Variants in ZNF521 observed in about 807,000 individuals in gnomAD.
The protein encoded by ZNF521 is LYST-interacting protein 3.
A neutral mutation model predicts 105.5 loss-of-function variants in ZNF521; 14 were observed. The ratio of observed to expected loss-of-function variants is 0.13; its 90% confidence interval spans 0.09 to 0.21. The LOEUF (loss-of-function observed/expected upper bound fraction) is 0.21. Ranked by LOEUF, ZNF521 falls within the 10% of genes least tolerant of loss-of-function variation. The pLI is 1.00. For missense variants in ZNF521, 1,233 were observed against 1,629.7 expected, an observed-to-expected ratio of 0.76 and a Z score of 4.19; for synonymous variants, 635 against 606.0, an observed-to-expected ratio of 1.05 and a Z score of -0.70.
intron 5 of ZNF521, among the ~76,000 whole-genome samples, chr18:25,157,069 G>C (rs2035159009): frequency 6.6e-6 from 1 of 152,018 alleles, no homozygotes; most frequent in Admixed American, 6.6e-5. Flanking sequence ...CATGGTGATG[G>C]GCACCTGCAG....
intron 4 of ZNF521, among the ~76,000 whole-genome samples, chr18:25,197,959 T>C (rs1319150351): frequency 1.3e-5 from 2 of 151,866 alleles, no homozygotes; most frequent in African/African-American, 4.8e-5. Flanking sequence ...GACAATTACT[T>C]ACATTTATAT....
chr18:25,266,774 C>T (rs1909287433), intron 3 of ZNF521, among the ~76,000 whole-genome samples: 1 of 152,204 alleles, frequency 6.6e-6, no homozygotes, highest in Non-Finnish European at 1.5e-5. Context: ...AGATTCCCTC[C>T]TGGGGGTGCC....
chr18:25,215,821 T>TC (rs905270525), intron 4 of ZNF521, among the ~76,000 whole-genome samples: 3 of 152,102 alleles, frequency 2.0e-5, no homozygotes, highest in African/African-American at 7.2e-5. Flanking sequence ...AGGCACCTGC[T>TC]CCCACATTCC....
chr18:25,097,035 C>G (rs368640443), intron 5 of ZNF521, among the ~76,000 whole-genome samples: 20 of 152,126 alleles, frequency 1.3e-4, no homozygotes, highest in Non-Finnish European at 2.5e-4. Context: ...AACCTCCCAC[C>G]CTTTACTTTG....
At chr18:25,300,341 C>T (rs895584235) in intron 3 of ZNF521, among the ~76,000 whole-genome samples, 1 of 152,182 alleles carries the variant, frequency 6.6e-6, no homozygotes, top group Non-Finnish European at 1.5e-5. Context: ...TACTAACTTT[C>T]ATAACCTAGC....
At chr18:25,349,762 G>A (rs944955884) in intron 2 of ZNF521, among the ~76,000 whole-genome samples, 1 of 150,688 alleles carries the variant, frequency 6.6e-6, no homozygotes, top group Non-Finnish European at 1.5e-5. Flanking sequence ...GGGCCGGGCC[G>A]CGCGGACCTC....
chr18:25,102,150 C>T (rs1466506457), intron 5 of ZNF521, among the ~76,000 whole-genome samples: 1 of 152,054 alleles, frequency 6.6e-6, no homozygotes, highest in East Asian at 1.9e-4. Context: ...CCTCCAAAAA[C>T]AAATAACACT....
At chr18:25,325,997 G>A (rs1405933362) in intron 2 of ZNF521, among the ~76,000 whole-genome samples, 1 of 152,068 alleles carries the variant, frequency 6.6e-6, no homozygotes, top group Non-Finnish European at 1.5e-5. Context: ...AATTGCACTG[G>A]CTTAAAAGTG....
chr18:25,139,778 T>C (rs2034812126), intron 5 of ZNF521, among the ~76,000 whole-genome samples: 1 of 152,196 alleles, frequency 6.6e-6, no homozygotes, highest in Non-Finnish European at 1.5e-5. Flanking sequence ...TGAATGTGTA[T>C]GTCTCCCTCC....
intron 3 of ZNF521, among the ~76,000 whole-genome samples, chr18:25,320,368 A>G (rs1600303048): frequency 2.0e-5 from 3 of 152,140 alleles, no homozygotes; most frequent in Admixed American, 2.0e-4. Context: ...ACGGGGTTTC[A>G]CCATGTTGAT....
chr18:25,079,971 A>T (rs1358211640), intron 7 of ZNF521, among the ~76,000 whole-genome samples: 1 of 152,192 alleles, frequency 6.6e-6, no homozygotes, highest in African/African-American at 2.4e-5. Context: ...GACAATTATA[A>T]AATTAAGTTT....
At chr18:25,247,636 G>A (rs1375336150) in intron 3 of ZNF521, among the ~76,000 whole-genome samples, 1 of 152,208 alleles carries the variant, frequency 6.6e-6, no homozygotes, top group Non-Finnish European at 1.5e-5. Flanking sequence ...TAGAATTTGT[G>A]AGAGGAAGTA....
chr18:25,198,904 T>C (rs183358924), intron 4 of ZNF521, among the ~76,000 whole-genome samples: 14 of 151,946 alleles, frequency 9.2e-5, no homozygotes, highest in African/African-American at 3.4e-4. Flanking sequence ...TTCCATCCTT[T>C]GATCATTGCA....
intron 5 of ZNF521, among the ~76,000 whole-genome samples, chr18:25,103,862 G>C (rs2034019194): frequency 6.6e-6 from 1 of 152,008 alleles, no homozygotes; most frequent in Admixed American, 6.6e-5. Flanking sequence ...AAAGACAAAA[G>C]ACTCGTGGTA....
chr18:25,317,933 T>A (rs1202036008), intron 3 of ZNF521, among the ~76,000 whole-genome samples: 1 of 152,130 alleles, frequency 6.6e-6, no homozygotes, highest in East Asian at 1.9e-4. Flanking sequence ...ACATATCATA[T>A]CTCATGCCCT....
At chr18:25,245,374 C>T (rs1907635687) in intron 3 of ZNF521, among the ~76,000 whole-genome samples, 1 of 152,126 alleles carries the variant, frequency 6.6e-6, no homozygotes, top group African/African-American at 2.4e-5. Flanking sequence ...ATCGACATCC[C>T]CCACCAGAAT....
chr18:25,323,422 T>C (rs968950189), intron 2 of ZNF521, among the ~76,000 whole-genome samples: 2 of 151,914 alleles, frequency 1.3e-5, no homozygotes, highest in African/African-American at 2.4e-5. Flanking sequence ...AATACAAATA[T>C]ATTCAATGTT....
intron 3 of ZNF521, among the ~76,000 whole-genome samples, chr18:25,276,370 C>G (rs1910034169): frequency 6.6e-6 from 1 of 152,180 alleles, no homozygotes; most frequent in African/African-American, 2.4e-5. Context: ...ATTAATCCCA[C>G]TTGTGAAGGC....
intron 5 of ZNF521, among the ~76,000 whole-genome samples, chr18:25,159,751 G>A (rs546156373): frequency 1.1e-4 from 16 of 152,128 alleles, no homozygotes; most frequent in South Asian, 6.2e-4. Flanking sequence ...ATGTCACATC[G>A]GGGTCAACAA....
Sources: gnomAD v4.1 joint callset for allele counts (sites outside exome capture counted in the v4.1 genomes callset) on GRCh38, gnomAD v4.1.1 for gene constraint, MANE v1.5 for transcripts, NCBI Gene and HGNC (gene_info 2026-07-23, HGNC 2026-07-21) for gene names.